The following RBFOX3 variants were observed in gnomAD, a reference collection of about 807,000 sequenced individuals.
RBFOX3 encodes the protein RNA binding fox-1 homolog 3.
In RBFOX3, 17 loss-of-function variants were observed where a neutral mutation model predicts 48.7. The observed-to-expected ratio is 0.35, with a 90% CI of 0.24 to 0.52. RBFOX3 has a LOEUF of 0.52. Among genes scored for constraint, RBFOX3 ranks in the 20% least tolerant of loss-of-function variants. The probability of loss-of-function intolerance (pLI) is 0.94; values close to 1 mark genes in which losing one functional copy is unlikely to be tolerated. For synonymous variants in RBFOX3, 212 were observed against 209.5 expected, an observed-to-expected ratio of 1.01 and a Z score of -0.10; for missense variants, 382 against 497.5, an observed-to-expected ratio of 0.77 and a Z score of 2.21.
chr17:79,375,742 C>T (rs1210405518), intron 2 of RBFOX3, among the ~76,000 whole-genome samples: 1 of 152,154 alleles, frequency 6.6e-6, no homozygotes, highest in Non-Finnish European at 1.5e-5. Flanking sequence ...GCATGAAACC[C>T]CTCCTTTGAA....
rs1254177658 is a variant in RBFOX3, at chr17:79,493,327, T to C, written c.-319-10729A>G. Among the ~76,000 whole-genome samples, 3 of 152,092 alleles carry C rather than the reference T, an allele frequency of 2.0e-5. No individual in the cohort carries two copies. The East Asian group carries it at 5.8e-4, about 29-fold the overall frequency. On this transcript the variant is annotated intron_variant, in intron 1 of 14. Coordinates refer to ENST00000693108, the MANE Select transcript of RBFOX3 (RefSeq NM_001350451.2). ...CCCACCTCTAACACTGGCAAATGATTTCAACACGAGAGTTGGAGGGGGACA... is the reference window on the plus strand; with the variant it reads ...CCCACCTCTAACACTGGCAAATGATCTCAACACGAGAGTTGGAGGGGGACA...
Position 79,115,751 on chromosome 17 carries a change from G to T in RBFOX3, c.-33-3C>A. 1 of 697,794 alleles carries T rather than the reference G, an allele frequency of 1.4e-6. No homozygotes were observed. Among genetic ancestry groups the T allele is most frequent in the Non-Finnish European group, 2.5e-6 (1 of 398,960 alleles). 43.2% of individuals were successfully genotyped at this position (697,794 alleles called of 1,614,324 possible). On this transcript the variant is annotated splice_region_variant and splice_polypyrimidine_tract_variant and intron_variant, in intron 4 of 14. Coordinates refer to ENST00000693108, the MANE Select transcript of RBFOX3 (RefSeq NM_001350451.2). ...GGAGCCGTGGCGTCCTGATCGCTCT[G>T]TGGAAGGAGAGAGAGCAAGGCCTGG...
chr17:79,326,687 C>T (rs889760820), intron 2 of RBFOX3, among the ~76,000 whole-genome samples: 3 of 152,146 alleles, frequency 2.0e-5, no homozygotes, highest in African/African-American at 7.2e-5. Flanking sequence ...CTCCCCAGCT[C>T]CTCTCCAGCT....
intron 5 of RBFOX3, among the ~76,000 whole-genome samples, chr17:79,109,254 C>G (rs534797147): frequency 6.6e-6 from 1 of 152,196 alleles, no homozygotes; most frequent in Non-Finnish European, 1.5e-5. Flanking sequence ...TGTGCCACCC[C>G]CATCAGTGGG....
In RBFOX3 at chr17:79,204,298, C is replaced by T. The variant is rs575445031; in HGVS notation, c.-34+31468G>A. On this transcript the variant is annotated intron_variant, in intron 4 of 14. Transcript: ENST00000693108. The surrounding 1 kb of genome is among the most constrained non-coding windows in gnomAD (Gnocchi z 4.5). ...ACGCCGGGGAGCGGACACACACCAG[C>T]GGGCGCCGGGGAGCGGGTACACACC... 4.1e-4 allele frequency among the ~76,000 whole-genome samples: 62 copies of T among 151,912 alleles called. No individual in the cohort carries two copies. Among genetic ancestry groups the T allele is most frequent in the African/African-American group, 1.1e-3 (47 of 41,404 alleles).
At chr17:79,541,255 G>A (rs2089653716) in intron 1 of RBFOX3, among the ~76,000 whole-genome samples, 1 of 151,998 alleles carries the variant, frequency 6.6e-6, no homozygotes, top group South Asian at 2.1e-4. Flanking sequence ...CCAAGCTAAG[G>A]GTATATTTAT....
chr17:79,343,510 CGGTCTCAAAAGAA>C (rs1178193952), intron 2 of RBFOX3, among the ~76,000 whole-genome samples: 1 of 151,990 alleles, frequency 6.6e-6, no homozygotes, highest in African/African-American at 2.4e-5. Context: ...GAGTGAGACT[CGGTCTCAAAAGAA>C]AAAACAAACA....
At chr17:79,152,917 T>C (rs1210246632) in intron 4 of RBFOX3, among the ~76,000 whole-genome samples, 1 of 152,198 alleles carries the variant, frequency 6.6e-6, no homozygotes, top group Non-Finnish European at 1.5e-5. Flanking sequence ...CCAGCACTCC[T>C]GTGCTGGGGG....
At position 79,220,624 on chromosome 17, in the gene RBFOX3, A is replaced by T. The variant is rs77050778; in HGVS notation, c.-34+15142T>A. On this transcript the variant is annotated intron_variant, in intron 4 of 14. Coordinates refer to ENST00000693108, the MANE Select transcript of RBFOX3 (RefSeq NM_001350451.2). The surrounding 1 kb of genome is among the most constrained non-coding windows in gnomAD (Gnocchi z 5.9). ...GTGTGTGTGTGTGTGTGTCGGGGGG[A>T]CACAAAACCTTCCAGCCTAGCAGAT... Among the ~76,000 whole-genome samples, 1 of 151,352 alleles carries T rather than the reference A, an allele frequency of 6.6e-6. No homozygotes were observed. Among genetic ancestry groups the T allele is most frequent in the Non-Finnish European group, 1.5e-5 (1 of 67,892 alleles).
intron 2 of RBFOX3, among the ~76,000 whole-genome samples, chr17:79,331,711 C>A (rs1425916390): frequency 1.3e-5 from 2 of 152,240 alleles, no homozygotes; most frequent in African/African-American, 4.8e-5. Context: ...ACCGCAAGGA[C>A]TTTCTGAACT....
chr17:79,647,162 C>G, the RBFOX3 span, among the ~76,000 whole-genome samples: 1 of 152,068 alleles, frequency 6.6e-6, no homozygotes. Context: ...TAGAGCCGTG[C>G]CCAGCCATGC....
chr17:79,457,729 A>G (rs1598778490), intron 2 of RBFOX3, among the ~76,000 whole-genome samples: 1 of 152,354 alleles, frequency 6.6e-6, no homozygotes, highest in East Asian at 1.9e-4. Flanking sequence ...CCTGCACACA[A>G]CAGCCATGAG....
chr17:79,355,556 A>C (rs1402893161), intron 2 of RBFOX3, among the ~76,000 whole-genome samples: 1 of 151,694 alleles, frequency 6.6e-6, no homozygotes, highest in East Asian at 1.9e-4. Flanking sequence ...CTAAAAGCTG[A>C]ATATACCCCA....
chr17:79,416,188 G>A (rs1347565814), intron 2 of RBFOX3, among the ~76,000 whole-genome samples: 1 of 152,212 alleles, frequency 6.6e-6, no homozygotes, highest in Non-Finnish European at 1.5e-5. Context: ...TCACCTGGGA[G>A]GGCCAAAGGA....
intron 4 of RBFOX3, among the ~76,000 whole-genome samples, chr17:79,218,833 G>A (rs75505929): frequency 0.017 from 2,548 of 152,288 alleles, 66 homozygotes; most frequent in African/African-American, 0.058. Flanking sequence ...CATGGAGGCC[G>A]GAGCACCCGG....
chr17:79,531,347 C>T (rs1217997473), intron 1 of RBFOX3, among the ~76,000 whole-genome samples: 3 of 152,144 alleles, frequency 2.0e-5, no homozygotes, highest in East Asian at 3.9e-4. Context: ...CCTGCGTGTG[C>T]GGAGGAGGGC....
intron 1 of RBFOX3, among the ~76,000 whole-genome samples, chr17:79,507,163 G>A (rs1056595685): frequency 1.3e-5 from 2 of 152,136 alleles, no homozygotes; most frequent in Non-Finnish European, 2.9e-5. Context: ...ACACCCTGCA[G>A]CAGACCAAGC....
At chr17:79,445,637 C>T (rs1298126812) in intron 2 of RBFOX3, among the ~76,000 whole-genome samples, 1 of 152,236 alleles carries the variant, frequency 6.6e-6, no homozygotes, top group Admixed American at 6.5e-5. Context: ...TCTGTCTGCA[C>T]AGCCTGCTTT....
At chr17:79,155,851 G>C (rs997296887) in intron 4 of RBFOX3, among the ~76,000 whole-genome samples, 2 of 152,162 alleles carry the variant, frequency 1.3e-5, no homozygotes, top group Non-Finnish European at 2.9e-5. Context: ...ATGGTGGCTG[G>C]GGGTAGAGCT....
Sources: gnomAD v4.1 joint callset for allele counts (sites outside exome capture counted in the v4.1 genomes callset) on GRCh38, gnomAD v4.1.1 for gene constraint, Gnocchi (gnomAD v3.1) non-coding constraint, MANE v1.5 for transcripts, NCBI Gene and HGNC (gene_info 2026-07-23, HGNC 2026-07-21) for gene names.